YEATS2: variants seen among roughly 807,000 people sequenced by gnomAD.
YEATS2 encodes the protein YEATS domain containing 2, also known as YEATS domain-containing protein 2.
Under a neutral mutation model 163.2 loss-of-function variants are expected in YEATS2, and 77 were observed. The ratio of observed to expected loss-of-function variants is 0.47; its 90% CI spans 0.39 to 0.57. The LOEUF is 0.57. Among genes scored for constraint, YEATS2 ranks in the 20% least tolerant of loss-of-function variants. The pLI is 0.00. For missense variants in YEATS2, 1,549 were observed against 1,729.8 expected (o/e 0.90, Z 1.85); for synonymous variants, 631 against 645.1 (o/e 0.98, Z 0.33).
chr3:183,731,836 T>TGGTCTGCTGTGTGGCACA (rs1261412432), intron 7 of YEATS2, among the ~76,000 whole-genome samples: 1 of 152,242 alleles, frequency 6.6e-6, no homozygotes. Flanking sequence ...GTTGCAAAGA[T>TGGTCTGCTGTGTGGCACA]GGTCTGCTGT....
At chr3:183,781,869 C>G (rs1017163940) in intron 19 of YEATS2, among the ~76,000 whole-genome samples, 1 of 151,756 alleles carries the variant, frequency 6.6e-6, no homozygotes, top group Non-Finnish European at 1.5e-5. Flanking sequence ...TGCCACTGCT[C>G]TCCAGCCTGG....
intron 1 of YEATS2, among the ~76,000 whole-genome samples, chr3:183,701,768 A>C (rs1714119079): frequency 6.6e-6 from 1 of 152,222 alleles, no homozygotes; most frequent in South Asian, 2.1e-4. Flanking sequence ...CAAATAAATT[A>C]AAACTTAAAA....
At chr3:183,762,943 C>T (rs374929467) in intron 15 of YEATS2, among the ~76,000 whole-genome samples, 2 of 151,802 alleles carry the variant, frequency 1.3e-5, no homozygotes, top group South Asian at 2.1e-4. Flanking sequence ...CCCAGCTACT[C>T]GGGAGACTGA....
chr3:183,784,565 T>C (rs1432554072), intron 19 of YEATS2, among the ~76,000 whole-genome samples: 1 of 152,176 alleles, frequency 6.6e-6, no homozygotes, highest in Non-Finnish European at 1.5e-5. Context: ...TCTACTCTGT[T>C]GATAGTTTCT....
rs559040695 is a variant in YEATS2, at chr3:183,731,033, G to A, written c.812+2182G>A. 3.9e-5 allele frequency among the ~76,000 whole-genome samples: 6 copies of A among 152,218 alleles called. No individual in the cohort carries two copies. The South Asian group carries it at 1.2e-3, about 32-fold the overall frequency. On this transcript the variant is annotated intron_variant, in intron 7 of 30. Transcript: ENST00000305135. ...GAAAGTGGAATAGGCTGGGCGCGGTGGCTCAGGCCTGTAATTCCAGCACTT... is the reference window on the plus strand; with the variant it reads ...GAAAGTGGAATAGGCTGGGCGCGGTAGCTCAGGCCTGTAATTCCAGCACTT...
At chr3:183,769,430 G>A (rs1722230893) in intron 15 of YEATS2, among the ~76,000 whole-genome samples, 1 of 152,168 alleles carries the variant, frequency 6.6e-6, no homozygotes, top group African/African-American at 2.4e-5. Flanking sequence ...TTGAAGTGTT[G>A]TGATGAGCAG....
chr3:183,760,265 C>T (rs1040209173), intron 13 of YEATS2, among the ~76,000 whole-genome samples: 1 of 150,922 alleles, frequency 6.6e-6, no homozygotes, highest in Non-Finnish European at 1.5e-5. Context: ...TGACAGATTA[C>T]CTCTGAGATT....
At chr3:183,729,008 C>T (rs535614208) in intron 7 of YEATS2, among the ~76,000 whole-genome samples, 157 bp downstream of exon 7, 9 of 152,312 alleles carry the variant, frequency 5.9e-5, no homozygotes, top group African/African-American at 1.7e-4. Flanking sequence ...TGGGGTGGCT[C>T]ACACCTATAA....
intron 17 of YEATS2, 95 bp from the exon 18 acceptor site, chr3:183,775,820 T>G: frequency 6.3e-7 from 1 of 1,578,538 alleles, no homozygotes; most frequent in East Asian, 2.2e-5. Context: ...GGAATGGCAC[T>G]AAAAGGGAAA....
In YEATS2 at chr3:183,721,877, T is replaced by A. The variant is rs1281438963; in HGVS notation, c.292-14T>A. 6.2e-7 allele frequency: 1 copy of A among 1,608,552 alleles called. No homozygotes were observed. Among genetic ancestry groups the A allele is most frequent in the Non-Finnish European group, 8.5e-7 (1 of 1,177,246 alleles). On this transcript the variant is annotated splice_polypyrimidine_tract_variant and intron_variant, in intron 4 of 30. Coordinates refer to ENST00000305135, the MANE Select transcript of YEATS2 (RefSeq NM_018023.5). The stretch of plus-strand genomic sequence containing the variant: ...TTGATTAAAAATTTATTTGCTTGCT[T>A]TCATTTTTTGTAGGGATCAAAGACA...
intron 2 of YEATS2, among the ~76,000 whole-genome samples, chr3:183,716,108 C>G (rs1041338400): frequency 6.6e-6 from 1 of 151,954 alleles, no homozygotes; most frequent in African/African-American, 2.4e-5. Context: ...TACAGGCACC[C>G]GCCACCACGC....
chr3:183,781,573 C>T (rs1560308539), intron 19 of YEATS2, among the ~76,000 whole-genome samples: 1 of 152,182 alleles, frequency 6.6e-6, no homozygotes, highest in Non-Finnish European at 1.5e-5. Flanking sequence ...ACCATCACAA[C>T]AGTACTTGAT....
chr3:183,780,414 G>T (rs1006533062), intron 19 of YEATS2, among the ~76,000 whole-genome samples: 4 of 152,208 alleles, frequency 2.6e-5, no homozygotes, highest in Non-Finnish European at 5.9e-5. Flanking sequence ...TTCTCCTGGC[G>T]TGTCCCACGT....
rs996256256 is a variant in YEATS2, at chr3:183,756,610, C to T, written c.1473C>T (p.Ala491=). 34 of 1,606,658 alleles carry T rather than the reference C, an allele frequency of 2.1e-5. No individual in the cohort carries two copies. Among genetic ancestry groups the T allele is most frequent in the East Asian group, 4.5e-5 (2 of 44,644 alleles). The change falls in exon 12 of 31, where the codon GCC becomes GCT. Residue 491 remains alanine, a synonymous_variant. Coordinates refer to ENST00000305135, the MANE Select transcript of YEATS2 (RefSeq NM_018023.5). The part of the protein sequence containing the change: ...STPVHVKQGT[A]GSVINNPYVI... ...CAGTCCACGTGAAGCAAGGCACTGC[C>T]GGCTCTGTTATTAATAATCCTTATG...
chr3:183,735,554 G>T (rs984233621), intron 7 of YEATS2, among the ~76,000 whole-genome samples: 2 of 152,006 alleles, frequency 1.3e-5, no homozygotes, highest in African/African-American at 4.8e-5. Context: ...TCCTGTCCTG[G>T]GCTCCGTTGT....
chr3:183,771,542 CCT>C (rs559914881), intron 15 of YEATS2, among the ~76,000 whole-genome samples: 22,644 of 59,156 alleles, frequency 0.38, 3,819 homozygotes, highest in East Asian at 0.51. Flanking sequence ...ATTATTCTTG[CCT>C]TTTTTTTTTT....
intron 15 of YEATS2, among the ~76,000 whole-genome samples, chr3:183,770,209 A>G (rs1020710592): frequency 1.4e-4 from 21 of 151,684 alleles, no homozygotes; most frequent in Non-Finnish European, 1.2e-4. Context: ...TAACACGGTG[A>G]AACCCCGTTT....
chr3:183,705,496 T>C (rs1454277736), intron 1 of YEATS2, among the ~76,000 whole-genome samples: 5 of 152,252 alleles, frequency 3.3e-5, no homozygotes, highest in Non-Finnish European at 7.3e-5. Context: ...TTTGTGATTG[T>C]GCCTTTAATA....
intron 6 of YEATS2, among the ~76,000 whole-genome samples, chr3:183,725,175 C>T (rs1251282896): frequency 6.6e-6 from 1 of 150,952 alleles, no homozygotes; most frequent in African/African-American, 2.4e-5. Flanking sequence ...TTTGCCTTGC[C>T]TTGCACAGTA....
Sources: allele counts gnomAD v4.1 joint callset (sites outside exome capture counted in the v4.1 genomes callset), GRCh38; gene constraint gnomAD v4.1.1; transcripts MANE v1.5; gene names NCBI Gene and HGNC (gene_info 2026-07-23, HGNC 2026-07-21).